DHTKD1: variants seen among roughly 807,000 people sequenced by gnomAD.
The protein encoded by DHTKD1 is dehydrogenase E1 and transketolase domain containing 1.
DHTKD1 carries 78 observed loss-of-function variants against 101.8 expected under a neutral mutation model. That is an observed-to-expected ratio of 0.77 (90% confidence interval 0.64 to 0.93). The LOEUF is 0.93. DHTKD1 is among the 40% of genes least tolerant of loss of function. The pLI is 0.00. For synonymous variants in DHTKD1, 462 were observed against 450.3 expected (o/e 1.03, Z -0.33); for missense variants, 1,223 against 1,161.7 (o/e 1.05, Z -0.77).
Position 12,103,446 on chromosome 10 carries a change from G to C in DHTKD1, c.1896+2265G>C, listed in dbSNP as rs1402841464. Among the ~76,000 whole-genome samples the C allele has an allele frequency of 6.6e-6, 1 of 151,340 alleles. No individual in the cohort carries two copies. The highest frequency in any genetic ancestry group is 2.4e-5 in the African/African-American group (1 of 41,232). The stretch of plus-strand genomic sequence containing the variant: ...GGCAGCCTTCATGATAAGTGAATAG[G>C]TCCTTGGGGTGTGTTTTTCCCCCAA... On this transcript the variant is annotated intron_variant, in intron 10 of 16. Transcript: ENST00000263035. The surrounding 1 kb of genome is among the most constrained non-coding windows in gnomAD (Gnocchi z 4.8).
intron 14 of DHTKD1, among the ~76,000 whole-genome samples, chr10:12,118,328 C>T (rs912543317): frequency 6.6e-6 from 1 of 151,962 alleles, no homozygotes; most frequent in Admixed American, 6.6e-5. Flanking sequence ...ACCCCCACCA[C>T]CTTGTTCATG....
intron 1 of DHTKD1, among the ~76,000 whole-genome samples, chr10:12,074,096 T>C (rs577845414): frequency 6.6e-6 from 1 of 152,368 alleles, no homozygotes; most frequent in East Asian, 1.9e-4. Flanking sequence ...GTTTGGGCGG[T>C]ATTACGCCTA....
intron 1 of DHTKD1, among the ~76,000 whole-genome samples, chr10:12,076,237 G>T (rs1832727786): frequency 6.6e-6 from 1 of 152,236 alleles, no homozygotes; most frequent in Non-Finnish European, 1.5e-5. Context: ...CAGCACTTTG[G>T]GAGGCCGCGG....
intron 7 of DHTKD1, 99 bp downstream of exon 7, chr10:12,094,370 TGCAGTA>T (rs1468191811): frequency 2.8e-6 from 3 of 1,087,794 alleles, no homozygotes; most frequent in Non-Finnish European, 4.1e-6. Context: ...CAGTCTGGAA[TGCAGTA>T]GCACGATCTT....
intron 5 of DHTKD1, among the ~76,000 whole-genome samples, chr10:12,089,641 C>T (rs985781439): frequency 6.6e-6 from 1 of 151,560 alleles, no homozygotes; most frequent in Admixed American, 6.6e-5. Context: ...GGTTTTACTT[C>T]GTTTCTTGTT....
intron 1 of DHTKD1, among the ~76,000 whole-genome samples, chr10:12,080,319 A>G (rs962634660): frequency 1.1e-4 from 15 of 135,568 alleles, no homozygotes; most frequent in African/African-American, 4.1e-4. Flanking sequence ...AAAAAAAAAA[A>G]GTTGTGCTTT....
intron 1 of DHTKD1, among the ~76,000 whole-genome samples, chr10:12,079,853 T>C (rs1832787946): frequency 6.6e-6 from 1 of 152,116 alleles, no homozygotes; most frequent in African/African-American, 2.4e-5. Flanking sequence ...CTGAAATCAG[T>C]TCGTTTCCTG....
rs7086420 is a variant in DHTKD1, at chr10:12,093,889, G to A, written c.1160-184G>A. On this transcript the variant is annotated intron_variant, in intron 6 of 16. Coordinates refer to ENST00000263035, the MANE Select transcript of DHTKD1 (RefSeq NM_018706.7). ...GTAGGTTGAGATTTGTAGCTTTACC[G>A]AGGTCACACAATAAGTCCCAGAGTT... Among the ~76,000 whole-genome samples the A allele has an allele frequency of 0.73, 110,430 of 152,030 alleles. 40,953 individuals are homozygous for A. Among genetic ancestry groups the A allele is most frequent in the South Asian group, 0.88 (4,223 of 4,826 alleles).
chr10:12,108,204 G>T (rs1369980612), intron 12 of DHTKD1, among the ~76,000 whole-genome samples, 189 bp downstream of exon 12: 1 of 152,108 alleles, frequency 6.6e-6, no homozygotes, highest in Non-Finnish European at 1.5e-5. Flanking sequence ...CGGTTTTATG[G>T]CAATTAAAGT....
intron 1 of DHTKD1, among the ~76,000 whole-genome samples, chr10:12,076,150 A>G (rs1245897398): frequency 6.6e-6 from 1 of 152,246 alleles, no homozygotes; most frequent in Non-Finnish European, 1.5e-5. Context: ...GAGTGAGTGC[A>G]TCAGGCAGCA....
At chr10:12,094,740 T>C (rs1833043074) in intron 7 of DHTKD1, among the ~76,000 whole-genome samples, 2 of 152,138 alleles carry the variant, frequency 1.3e-5, no homozygotes, top group African/African-American at 4.8e-5. Context: ...TTCAAGCAAT[T>C]GCAATTCTTG....
intron 2 of DHTKD1, among the ~76,000 whole-genome samples, chr10:12,083,917 G>GTTAT (rs1207971950): frequency 1.1e-4 from 17 of 151,716 alleles, no homozygotes; most frequent in African/African-American, 1.9e-4. Flanking sequence ...AATAACCCAA[G>GTTAT]TTATTTATTT....
At chr10:12,116,931 G>A (rs1588619711) in intron 13 of DHTKD1, among the ~76,000 whole-genome samples, 2 of 151,818 alleles carry the variant, frequency 1.3e-5, no homozygotes, top group East Asian at 1.9e-4. Flanking sequence ...AAACTTGTGA[G>A]TTCAAGCAAT....
At chr10:12,084,420 GA>G (rs1454183897) in intron 2 of DHTKD1, 119 bp from the exon 3 acceptor site, 6 of 651,616 alleles carry the variant, frequency 9.2e-6, no homozygotes, top group Non-Finnish European at 1.6e-5. Context: ...ATTAAAGGGG[GA>G]AAGTGAGTTT....
chr10:12,076,390 C>A (rs146156131), intron 1 of DHTKD1, among the ~76,000 whole-genome samples: 23 of 151,972 alleles, frequency 1.5e-4, no homozygotes, highest in Non-Finnish European at 2.9e-4. Flanking sequence ...GCAGGAGAAT[C>A]GCTTGAACCC....
intron 10 of DHTKD1, among the ~76,000 whole-genome samples, chr10:12,104,137 A>G (rs1372346295): frequency 6.6e-6 from 1 of 152,102 alleles, no homozygotes; most frequent in African/African-American, 2.4e-5. Context: ...TTGACTTGGC[A>G]TCATGCTTTC....
intron 9 of DHTKD1, 90 bp downstream of exon 9, chr10:12,100,352 A>G: frequency 3.5e-6 from 2 of 564,146 alleles, no homozygotes; most frequent in South Asian, 4.3e-5. Flanking sequence ...ATCTCAGCTC[A>G]CTGCAACCTC....
At chr10:12,079,111 T>C (rs573418587) in intron 1 of DHTKD1, among the ~76,000 whole-genome samples, 4 of 152,090 alleles carry the variant, frequency 2.6e-5, no homozygotes, top group Non-Finnish European at 5.9e-5. Context: ...TTTTTAGATA[T>C]GGGATCTTGC....
chr10:12,103,490 TC>T lies in DHTKD1; in HGVS notation c.1896+2310del, dbSNP rs1439803173. On this transcript the variant is annotated intron_variant, in intron 10 of 16. Transcript: ENST00000263035. This position sits in a 1 kb window ranked among gnomAD's most constrained non-coding sequence, Gnocchi z 4.8. Reference sequence around the variant, plus strand: ...CCCCCAACTTCGTTGTACATCTCAATCTGTGTGTGTGTGTGTGTGTGTGTGT... The same window carrying T: ...CCCCCAACTTCGTTGTACATCTCAATTGTGTGTGTGTGTGTGTGTGTGTGT... Among the ~76,000 whole-genome samples the T allele has an allele frequency of 1.9e-5, 2 of 103,396 alleles. No individual in the cohort carries two copies. The highest frequency in any genetic ancestry group is 7.1e-5 in the African/African-American group (2 of 28,174). The allele number at this position is 103,396 out of a possible 152,430, so 67.8% of individuals were successfully genotyped here. A position where few individuals can be genotyped will look rare whatever the true frequency, so the allele number is the denominator to read the frequency against.
Sources: gnomAD v4.1 joint callset for allele counts (sites outside exome capture counted in the v4.1 genomes callset) on GRCh38, gnomAD v4.1.1 for gene constraint, Gnocchi (gnomAD v3.1) non-coding constraint, MANE v1.5 for transcripts, NCBI Gene and HGNC (gene_info 2026-07-23, HGNC 2026-07-21) for gene names.